CDK14: variants seen among roughly 807,000 people sequenced by gnomAD.
CDK14 encodes cyclin dependent kinase 14, also known as cyclin-dependent kinase 14.
CDK14 carries 34 observed loss-of-function variants against 60.7 expected under a neutral mutation model. That is an observed-to-expected ratio of 0.56 (90% CI 0.43 to 0.75). The LOEUF is 0.75. Ranked by LOEUF, CDK14 falls within the 30% of genes least tolerant of loss-of-function variation. The pLI is 0.00. For missense variants in CDK14, 482 were observed against 564.1 expected, an observed-to-expected ratio of 0.85 and a Z score of 1.47; for synonymous variants, 197 against 203.7, an observed-to-expected ratio of 0.97 and a Z score of 0.28.
chr7:91,059,884 G>T (rs1797721385), intron 11 of CDK14, among the ~76,000 whole-genome samples: 1 of 152,256 alleles, frequency 6.6e-6, no homozygotes, highest in African/African-American at 2.4e-5. Flanking sequence ...GTATTCTGTT[G>T]ATTTGGGGTG....
intron 2 of CDK14, among the ~76,000 whole-genome samples, chr7:90,646,592 A>G (rs1256335570): frequency 6.6e-6 from 1 of 152,300 alleles, no homozygotes; most frequent in Non-Finnish European, 1.5e-5. Context: ...AGAGATAACT[A>G]TGAACAGCAT....
chr7:90,745,060 A>G (rs555028409), intron 3 of CDK14, among the ~76,000 whole-genome samples: 1 of 152,122 alleles, frequency 6.6e-6, no homozygotes, highest in East Asian at 1.9e-4. Context: ...CCTTATTTAT[A>G]TCAATTTACT....
At chr7:90,678,020 C>G (rs752539983) in intron 2 of CDK14, among the ~76,000 whole-genome samples, 1 of 152,024 alleles carries the variant, frequency 6.6e-6, no homozygotes, top group African/African-American at 2.4e-5. Context: ...TGCGACTCAG[C>G]GATGAGTGTA....
intron 2 of CDK14, among the ~76,000 whole-genome samples, chr7:90,701,821 G>A (rs1003821297): frequency 4.6e-5 from 7 of 152,188 alleles, no homozygotes. Context: ...CACCTCAGCG[G>A]GTGCTATCTC....
intron 7 of CDK14, among the ~76,000 whole-genome samples, chr7:90,904,922 CAGA>C (rs1458946297): frequency 6.6e-6 from 1 of 152,084 alleles, no homozygotes; most frequent in African/African-American, 2.4e-5. Flanking sequence ...AATTTGGACA[CAGA>C]AGTATTTTCA....
rs562496863 is a variant in CDK14 at position 90,668,097 on chromosome 7, A to C, written c.124-58470A>C. On this transcript the variant is annotated intron_variant, in intron 2 of 14. Coordinates refer to ENST00000380050, the MANE Select transcript of CDK14 (RefSeq NM_001287135.2). ...CGTATAACTTTTTGCGGAACTGCACAATCATTTTCCAAAGTGATTGCAACA... is the reference window on the plus strand; with the variant it reads ...CGTATAACTTTTTGCGGAACTGCACCATCATTTTCCAAAGTGATTGCAACA... 1.4e-4 allele frequency among the ~76,000 whole-genome samples: 21 copies of C among 152,310 alleles called. No individual in the cohort carries two copies. In the South Asian group the frequency reaches 2.5e-3, roughly 18 times the overall value.
chr7:91,138,376 A>G (rs984851967), intron 14 of CDK14, among the ~76,000 whole-genome samples: 1 of 152,160 alleles, frequency 6.6e-6, no homozygotes, highest in Non-Finnish European at 1.5e-5. Flanking sequence ...TATTTCTTAG[A>G]GCCTCTTGCT....
chr7:91,079,946 A>G (rs74596764), intron 12 of CDK14, among the ~76,000 whole-genome samples: 9,144 of 152,110 alleles, frequency 0.06, 399 homozygotes, highest in Middle Eastern at 0.16. Flanking sequence ...TGTGTTCTCC[A>G]TTTATTTCAT....
chr7:90,902,141 A>G (rs915222633), intron 7 of CDK14, among the ~76,000 whole-genome samples: 45 of 152,110 alleles, frequency 3.0e-4, no homozygotes, highest in African/African-American at 9.4e-4. Flanking sequence ...CATGGATTAG[A>G]CAAATTAGTA....
At chr7:90,775,618 T>G (rs1387638231) in intron 4 of CDK14, among the ~76,000 whole-genome samples, 1 of 133,238 alleles carries the variant, frequency 7.5e-6, no homozygotes, top group Non-Finnish European at 1.6e-5. Context: ...CGAAAATACC[T>G]CCTCCTCCCC....
intron 10 of CDK14, among the ~76,000 whole-genome samples, 195 bp downstream of exon 10, chr7:90,984,436 C>A (rs1212700659): frequency 6.6e-6 from 1 of 152,118 alleles, no homozygotes; most frequent in Non-Finnish European, 1.5e-5. Flanking sequence ...ACGTGAATAA[C>A]ATGTCAAAGT....
At chr7:90,647,541 A>G (rs1258532684) in intron 2 of CDK14, among the ~76,000 whole-genome samples, 1 of 150,938 alleles carries the variant, frequency 6.6e-6, no homozygotes, top group African/African-American at 2.4e-5. Context: ...ACTCAAAAGC[A>G]GTTTTGAGTG....
intron 2 of CDK14, among the ~76,000 whole-genome samples, chr7:90,618,915 C>T (rs903272000): frequency 1.3e-5 from 2 of 152,086 alleles, no homozygotes; most frequent in African/African-American, 4.8e-5. Flanking sequence ...TTTTCTTTTG[C>T]TTTTTGATGA....
At chr7:90,971,769 A>G (rs1482593843) in intron 9 of CDK14, among the ~76,000 whole-genome samples, 1 of 152,138 alleles carries the variant, frequency 6.6e-6, no homozygotes, top group Non-Finnish European at 1.5e-5. Flanking sequence ...ATAATAATAA[A>G]TGTACATAGT....
At chr7:90,603,510 A>G (rs1799357432) in intron 1 of CDK14, among the ~76,000 whole-genome samples, 1 of 152,180 alleles carries the variant, frequency 6.6e-6, no homozygotes, top group African/African-American at 2.4e-5. Context: ...AGGTGATACC[A>G]TCTAGGTTTG....
intron 10 of CDK14, among the ~76,000 whole-genome samples, chr7:91,028,827 T>C (rs1796677814): frequency 6.6e-6 from 1 of 152,162 alleles, no homozygotes; most frequent in African/African-American, 2.4e-5. Context: ...TGGAGTTTCT[T>C]ACAGATTCTG....
At position 91,109,720 on chromosome 7, in the gene CDK14, A is replaced by G. The variant is rs543678655; in HGVS notation, c.1155-2822A>G. ...ATATTTATGAAAGAGACACCCTAATATTACATGTATGAAACATTAAAAATA... is the reference window on the plus strand; with the variant it reads ...ATATTTATGAAAGAGACACCCTAATGTTACATGTATGAAACATTAAAAATA... On this transcript the variant is annotated intron_variant, in intron 12 of 14. Coordinates refer to ENST00000380050, the MANE Select transcript of CDK14 (RefSeq NM_001287135.2). Among the ~76,000 whole-genome samples the G allele has an allele frequency of 4.9e-4, 75 of 152,234 alleles. 1 individual carries two copies. The highest frequency in any genetic ancestry group is 1.8e-3 in the African/African-American group (75 of 41,572).
At chr7:90,787,873 C>A (rs952679916) in intron 4 of CDK14, among the ~76,000 whole-genome samples, 1 of 152,050 alleles carries the variant, frequency 6.6e-6, no homozygotes, top group African/African-American at 2.4e-5. Flanking sequence ...AAAATATTTT[C>A]AAAGACCTTT....
intron 5 of CDK14, among the ~76,000 whole-genome samples, chr7:90,826,165 C>T (rs1008506484): frequency 3.9e-5 from 6 of 152,124 alleles, no homozygotes; most frequent in Admixed American, 3.3e-4. Context: ...ACCAGTTGTC[C>T]ACTTATTAGA....
Sources: allele counts gnomAD v4.1 joint callset (sites outside exome capture counted in the v4.1 genomes callset), GRCh38; gene constraint gnomAD v4.1.1; transcripts MANE v1.5; gene names NCBI Gene and HGNC (gene_info 2026-07-23, HGNC 2026-07-21).